Variants in RNF157 observed in about 807,000 individuals in gnomAD.
The protein encoded by RNF157 is ring finger protein 157.
In RNF157, 55 loss-of-function variants were observed where a neutral mutation model predicts 88.3. The observed-to-expected ratio is 0.62, with a 90% CI of 0.50 to 0.78. The LOEUF (loss-of-function observed/expected upper bound fraction) is 0.78. Among genes scored for constraint, RNF157 ranks in the 30% least tolerant of loss-of-function variants. The pLI is 0.00. For missense variants in RNF157, 788 were observed against 860.8 expected (o/e 0.92, Z 1.06); for synonymous variants, 334 against 341.2 (o/e 0.98, Z 0.23).
intron 2 of RNF157, among the ~76,000 whole-genome samples, chr17:76,178,250 C>A (rs2144896571): frequency 6.6e-6 from 1 of 152,360 alleles, no homozygotes; most frequent in East Asian, 1.9e-4. Context: ...CTCTTTGTGG[C>A]CCTGTAGTTC....
chr17:76,220,520 T>G (rs956521566), intron 1 of RNF157, among the ~76,000 whole-genome samples: 1 of 151,584 alleles, frequency 6.6e-6, no homozygotes, highest in African/African-American at 2.4e-5. Flanking sequence ...TCTGGGTGAG[T>G]GAATAATTAA....
At chr17:76,219,832 T>C (rs1598439208) in intron 1 of RNF157, among the ~76,000 whole-genome samples, 1 of 152,126 alleles carries the variant, frequency 6.6e-6, no homozygotes, top group East Asian at 1.9e-4. Context: ...GTAATCATAT[T>C]ATTGGTGACA....
At chr17:76,156,488 A>G in intron 13 of RNF157, 167 bp from the exon 14 acceptor site, 1 of 1,424,454 alleles carries the variant, frequency 7.0e-7, no homozygotes, top group Non-Finnish European at 9.1e-7. Flanking sequence ...TCCTCACTTC[A>G]GCCCAAGCCT....
At chr17:76,147,763 C>A (rs1252047845) in intron 18 of RNF157, among the ~76,000 whole-genome samples, 1 of 152,206 alleles carries the variant, frequency 6.6e-6, no homozygotes, top group African/African-American at 2.4e-5. Flanking sequence ...AGGGGCCTTC[C>A]AGAGCAGGTG....
intron 1 of RNF157, among the ~76,000 whole-genome samples, chr17:76,222,199 A>G (rs2069995931): frequency 6.6e-6 from 1 of 152,114 alleles, no homozygotes; most frequent in African/African-American, 2.4e-5. Context: ...TACAAAAATG[A>G]GCTGGGTGTA....
chr17:76,203,451 AC>A (rs2069621558), intron 2 of RNF157, among the ~76,000 whole-genome samples: 1 of 143,128 alleles, frequency 7.0e-6, no homozygotes, highest in South Asian at 2.1e-4. Flanking sequence ...AAAAGTAAAA[AC>A]TTTTTTTTTT....
At chr17:76,212,287 C>T in intron 2 of RNF157, 77 bp downstream of exon 2, 2 of 1,042,396 alleles carry the variant, frequency 1.9e-6, no homozygotes, top group Non-Finnish European at 3.0e-6. Flanking sequence ...GAACAAGCAA[C>T]TGCAAACTTA....
chr17:76,148,360 G>A (rs2068618965), intron 18 of RNF157, among the ~76,000 whole-genome samples: 1 of 145,706 alleles, frequency 6.9e-6, no homozygotes, highest in Non-Finnish European at 1.5e-5. Context: ...TCCGCCTCCC[G>A]GGTTCACGCC....
chr17:76,222,308 C>A (rs1204553645), intron 1 of RNF157, among the ~76,000 whole-genome samples: 1 of 150,456 alleles, frequency 6.6e-6, no homozygotes, highest in Non-Finnish European at 1.5e-5. Context: ...GATCGTGTCA[C>A]TGCACTCCAG....
chr17:76,177,538 C>A (rs780487664), intron 2 of RNF157, among the ~76,000 whole-genome samples: 1 of 151,794 alleles, frequency 6.6e-6, no homozygotes, highest in Non-Finnish European at 1.5e-5. Context: ...GGGGGAGAGG[C>A]GAGGGGGTGC....
intron 3 of RNF157, among the ~76,000 whole-genome samples, chr17:76,169,789 C>T (rs2068986527): frequency 6.6e-6 from 1 of 152,058 alleles, no homozygotes. Flanking sequence ...CCATGTTGGC[C>T]AGGCTGGTCT....
At chr17:76,221,582 T>C (rs2069984093) in intron 1 of RNF157, among the ~76,000 whole-genome samples, 1 of 152,224 alleles carries the variant, frequency 6.6e-6, no homozygotes, top group Non-Finnish European at 1.5e-5. Flanking sequence ...CCAAATATTT[T>C]ACTGTATACA....
intron 1 of RNF157, among the ~76,000 whole-genome samples, chr17:76,227,831 C>G (rs1407285720): frequency 1.3e-5 from 2 of 152,152 alleles, no homozygotes; most frequent in African/African-American, 2.4e-5. Context: ...GAGCCAAGAT[C>G]GCCCCATTGC....
At chr17:76,226,886 T>G in intron 1 of RNF157, 2 of 1,211,232 alleles carry the variant, frequency 1.7e-6, no homozygotes, top group Non-Finnish European at 2.3e-6. Context: ...TGCTGCTGAA[T>G]GCCGTGGGAA....
At chr17:76,231,151 C>T (rs2070185278) in intron 1 of RNF157, among the ~76,000 whole-genome samples, 1 of 151,972 alleles carries the variant, frequency 6.6e-6, no homozygotes. Flanking sequence ...GCACCGGCCA[C>T]AACGCCCAGC....
chr17:76,168,344 GTGTC>G (rs1317034835), intron 3 of RNF157, among the ~76,000 whole-genome samples: 6 of 151,608 alleles, frequency 4.0e-5, no homozygotes, highest in South Asian at 2.1e-4. Context: ...CAGTACATTT[GTGTC>G]TGTATTACTG....
chr17:76,154,276 TTACCACC>T lies in RNF157; in HGVS notation c.1810_1810+6del. The stretch of plus-strand genomic sequence containing the variant: ...TAAAGGAAGTAAAGGACCAGATCTT[TTACCACC>T]TTCCTGCGTGGGTGATCCATCCTCT... On this transcript the variant is annotated splice_donor_variant and splice_donor_5th_base_variant and coding_sequence_variant and intron_variant, in exon 17 of 19. Coordinates refer to ENST00000269391, the MANE Select transcript of RNF157 (RefSeq NM_052916.3). LOFTEE classifies it high-confidence loss of function. 6.2e-7 allele frequency: 1 copy of T among 1,601,138 alleles called. No individual in the cohort carries two copies. Among genetic ancestry groups the T allele is most frequent in the Non-Finnish European group, 8.6e-7 (1 of 1,168,108 alleles).
At chr17:76,234,441 T>A (rs1354779363) in intron 1 of RNF157, among the ~76,000 whole-genome samples, 2 of 152,170 alleles carry the variant, frequency 1.3e-5, no homozygotes, top group Admixed American at 1.3e-4. Context: ...TGAGAAACTG[T>A]CAAACCGTTT....
chr17:76,148,759 T>G (rs2068627505), intron 18 of RNF157, among the ~76,000 whole-genome samples: 1 of 151,848 alleles, frequency 6.6e-6, no homozygotes, highest in Non-Finnish European at 1.5e-5. Flanking sequence ...TCTGTAGAGA[T>G]GGGGTTTCAC....
Sources: allele counts gnomAD v4.1 joint callset (sites outside exome capture counted in the v4.1 genomes callset), GRCh38; gene constraint gnomAD v4.1.1; transcripts MANE v1.5; gene names NCBI Gene and HGNC (gene_info 2026-07-23, HGNC 2026-07-21).